Variants in TAS1R2 observed in about 807,000 individuals in gnomAD.
The protein encoded by TAS1R2 is taste 1 receptor member 2.
TAS1R2 carries 47 observed loss-of-function variants against 49.3 expected under a neutral mutation model. That is an observed-to-expected ratio of 0.95 (90% CI 0.75 to 1.22). The LOEUF is 1.22. Ranked by LOEUF, TAS1R2 falls within the 50% of genes most tolerant of loss-of-function variation. The pLI is 0.00. For missense variants in TAS1R2, 1,155 were observed against 1,122.1 expected, an observed-to-expected ratio of 1.03 and a Z score of -0.42; for synonymous variants, 479 against 467.9, an observed-to-expected ratio of 1.02 and a Z score of -0.31.
At chr1:18,839,733 T>A in exon 6 of TAS1R2, 3 of 1,614,194 alleles carry the variant, frequency 1.9e-6, no homozygotes, top group Non-Finnish European at 2.5e-6. Flanking sequence ...TTGAGCACAG[T>A]GACCAAGAGG....
chr1:18,849,226 A>C, intron 4 of TAS1R2, 115 bp downstream of exon 4: 6 of 1,099,736 alleles, frequency 5.5e-6, no homozygotes, highest in Non-Finnish European at 7.8e-6. Flanking sequence ...ACATCCCCCC[A>C]GAGATTGATA....
At chr1:18,856,132 G>T (rs550451042) in intron 2 of TAS1R2, among the ~76,000 whole-genome samples, 2 of 152,232 alleles carry the variant, frequency 1.3e-5, no homozygotes, top group African/African-American at 4.8e-5. Context: ...GCCCCTAAGG[G>T]CTCCGTCATT....
At chr1:18,849,648 G>A in intron 3 of TAS1R2, 98 bp from the exon 4 acceptor site, 6 of 1,340,594 alleles carry the variant, frequency 4.5e-6, no homozygotes, top group Non-Finnish European at 6.3e-6. Flanking sequence ...CATTAGCCTT[G>A]ATTTCCAACT....
intron 2 of TAS1R2, among the ~76,000 whole-genome samples, chr1:18,857,029 G>A (rs75382332): frequency 0.028 from 4,270 of 152,290 alleles, 202 homozygotes; most frequent in African/African-American, 0.095. Context: ...GGGATGGAAC[G>A]CTTATCATCC....
At chr1:18,840,019 C>G (rs374616366) in exon 6 of TAS1R2, 50 of 1,613,134 alleles carry the variant, frequency 3.1e-5, no homozygotes, top group Non-Finnish European at 3.6e-5. Context: ...GACTGAGGCC[C>G]GTGGCCAGCA....
rs780482614 is a variant in TAS1R2 at position 18,854,791 on chromosome 1, C to G, written c.679G>C (p.Val227Leu). The G allele has an allele frequency of 1.2e-6, 2 of 1,605,294 alleles. No individual in the cohort carries two copies. The highest frequency in any genetic ancestry group is 1.7e-6 in the Non-Finnish European group (2 of 1,178,582). Residue 227 changes from valine (V) to leucine (L), a missense_variant, in exon 3 of 6, where the codon GTG becomes CTG. Val to Leu is a conservative substitution (Grantham distance 32, BLOSUM62 1). Coordinates refer to ENST00000375371, the Ensembl canonical transcript of TAS1R2. This position sits in a 1 kb window ranked among gnomAD's most constrained non-coding sequence, Gnocchi z 4.9. The stretch of plus-strand genomic sequence containing the variant: ...GCGATGCAGATGTCGCGCCGGGCCA[C>G]GCGCTCGCCAAGCAGCTGGCCATTG...
chr1:18,848,748 A>G (rs1471746867), intron 4 of TAS1R2, among the ~76,000 whole-genome samples: 2 of 152,042 alleles, frequency 1.3e-5, no homozygotes, highest in Non-Finnish European at 2.9e-5. Context: ...TAGGTTGCAC[A>G]CTCCTTATGA....
intron 5 of TAS1R2, among the ~76,000 whole-genome samples, chr1:18,841,048 C>T (rs1233079742): frequency 6.6e-6 from 1 of 152,242 alleles, no homozygotes; most frequent in Non-Finnish European, 1.5e-5. Context: ...TCACCACCTG[C>T]TCTGTGTCCT....
Position 18,851,881 on chromosome 1 carries a change from C to T in TAS1R2, c.1258-2331G>A, listed in dbSNP as rs547930722. 3.9e-3 allele frequency among the ~76,000 whole-genome samples: 590 copies of T among 152,342 alleles called. 4 individuals carry two copies. The highest frequency in any genetic ancestry group is 0.013 in the African/African-American group (545 of 41,574). On this transcript the variant is annotated intron_variant, in intron 3 of 5. Coordinates refer to ENST00000375371, the Ensembl canonical transcript of TAS1R2. ...CCCTGGCCACTCCCTAGCTGGGTGC[C>T]TGTCACTTCTTTGAACCTCAGTTTG...
At chr1:18,848,291 C>T (rs1286470519) in intron 4 of TAS1R2, among the ~76,000 whole-genome samples, 1 of 152,102 alleles carries the variant, frequency 6.6e-6, no homozygotes, top group African/African-American at 2.4e-5. Flanking sequence ...AAAATGGTAG[C>T]ATTTATCCTC....
At chr1:18,859,631 G>A (rs755320101) in exon 1 of TAS1R2, 1 of 1,614,256 alleles carries the variant, frequency 6.2e-7, no homozygotes, top group Non-Finnish European at 8.5e-7. Context: ...GGAAGAACAG[G>A]GAGGAGATGG....
At position 18,854,475 on chromosome 1, in the gene TAS1R2, A is replaced by G. The variant is rs1474934281; in HGVS notation, c.995T>C (p.Ile332Thr). ...CTCGCGGAACTCACTGAAGCCCGGG[A>G]TGGGCACGCTCTGGATGGTGATGCC... The change falls in exon 3 of 6, where the codon ATC becomes ACC. Residue 332 changes from isoleucine to threonine, a missense_variant. Physicochemically the swap from Ile to Thr is moderately conservative, Grantham distance 89. Coordinates refer to ENST00000375371, the Ensembl canonical transcript of TAS1R2. This position sits in a 1 kb window ranked among gnomAD's most constrained non-coding sequence, Gnocchi z 4.9. The G allele has an allele frequency of 6.2e-7, 1 of 1,614,006 alleles. No homozygotes were observed. Among genetic ancestry groups the G allele is most frequent in the Admixed American group, 1.7e-5 (1 of 60,004 alleles).
At chr1:18,853,996 C>T (rs1161203626) in intron 3 of TAS1R2, among the ~76,000 whole-genome samples, 5 of 152,216 alleles carry the variant, frequency 3.3e-5, no homozygotes, top group African/African-American at 1.2e-4. Flanking sequence ...GGATTTCCTT[C>T]TGGTGAATTC....
In TAS1R2 at chr1:18,857,549, G is replaced by T. The variant is rs370744575; in HGVS notation, c.265C>A (p.Leu89Met). 176 of 1,614,090 alleles carry T rather than the reference G, an allele frequency of 1.1e-4. No homozygotes were observed. The highest frequency in any genetic ancestry group is 1.4e-4 in the Non-Finnish European group (167 of 1,180,040). Residue 89 changes from leucine to methionine, a missense_variant, in exon 2 of 6, where the codon CTG (leucine) becomes ATG (methionine). Coordinates refer to ENST00000375371, the Ensembl canonical transcript of TAS1R2. ...TCATAGCCCAGCAGCACACCAGGCA[G>T]CAGGCTGCTGTCATTGTTGATCTCC...
chr1:18,852,225 G>T (rs752511061), intron 3 of TAS1R2, among the ~76,000 whole-genome samples: 8 of 152,150 alleles, frequency 5.3e-5, no homozygotes, highest in Non-Finnish European at 1.0e-4. Context: ...TAAACAGAGT[G>T]CCGTGGTGTG....
chr1:18,839,854 G>T, exon 6 of TAS1R2: 1 of 1,614,252 alleles, frequency 6.2e-7, no homozygotes, highest in Non-Finnish European at 8.5e-7. Context: ...CCTCGTTGTA[G>T]TTGGTGGGCA....
chr1:18,845,958 G>A (rs77503856), intron 4 of TAS1R2, among the ~76,000 whole-genome samples: 7,603 of 152,252 alleles, frequency 0.05, 525 homozygotes, highest in African/African-American at 0.15. Context: ...GGCTAAGTCC[G>A]CCAAACTCCC....
chr1:18,855,385 C>T (rs960425727), intron 2 of TAS1R2, among the ~76,000 whole-genome samples: 1 of 152,196 alleles, frequency 6.6e-6, no homozygotes, highest in Non-Finnish European at 1.5e-5. Flanking sequence ...TTTCCTCCTC[C>T]CCCTCATCAC....
intron 3 of TAS1R2, among the ~76,000 whole-genome samples, chr1:18,852,500 C>A (rs1199805093): frequency 6.6e-6 from 1 of 152,226 alleles, no homozygotes; most frequent in Non-Finnish European, 1.5e-5. Context: ...GTGAAGCCTA[C>A]ATAGGGTGGG....
Sources: gnomAD v4.1 joint callset for allele counts (sites outside exome capture counted in the v4.1 genomes callset) on GRCh38, gnomAD v4.1.1 for gene constraint, Gnocchi (gnomAD v3.1) non-coding constraint, MANE v1.5 for transcripts, NCBI Gene and HGNC (gene_info 2026-07-23, HGNC 2026-07-21) for gene names.